The following NBAS variants were observed in gnomAD, a reference collection of about 807,000 sequenced individuals.
The protein encoded by NBAS is NBAS subunit of NRZ tethering complex, also known as NAG/BC035112 fusion.
NBAS carries 219 observed loss-of-function variants against 302.5 expected under a neutral mutation model. The ratio of observed to expected loss-of-function variants is 0.72; its 90% confidence interval spans 0.65 to 0.81. The LOEUF (loss-of-function observed/expected upper bound fraction) is 0.81. Among genes scored for constraint, NBAS ranks in the 30% least tolerant of loss-of-function variants. The pLI, the probability that NBAS is intolerant of heterozygous loss-of-function variation, is 0.00. For missense variants in NBAS, 2,932 were observed against 2,841.6 expected, an observed-to-expected ratio of 1.03 and a Z score of -0.72; for synonymous variants, 1,118 against 1,021.6, an observed-to-expected ratio of 1.09 and a Z score of -1.80.
the NBAS span, among the ~76,000 whole-genome samples, chr2:15,010,837 C>T: frequency 6.6e-5 from 10 of 152,114 alleles, no homozygotes; most frequent in Admixed American, 4.6e-4. Flanking sequence ...AAATAAGATT[C>T]GAGCCCACTT....
chr2:14,979,048 A>T, the NBAS span, among the ~76,000 whole-genome samples: 1 of 152,150 alleles, frequency 6.6e-6, no homozygotes, highest in Non-Finnish European at 1.5e-5. Flanking sequence ...CATTTTTGTG[A>T]GTCACTGTTT....
chr2:15,394,176 A>T, intron 28 of NBAS, 51 bp downstream of exon 28: 2 of 1,522,046 alleles, frequency 1.3e-6, no homozygotes, highest in Non-Finnish European at 1.8e-6. Context: ...AAATACTTTT[A>T]AAAATATTTA....
In NBAS at chr2:15,276,883, C is replaced by G; in HGVS notation, c.5357G>C (p.Arg1786Pro). The change falls in exon 43 of 52, where the codon CGA becomes CCA. Residue 1786 changes from arginine (R) to proline (P), a missense_variant. Arg to Pro is a moderately radical substitution (Grantham distance 103). Coordinates refer to ENST00000281513, the MANE Select transcript of NBAS (RefSeq NM_015909.4). ...NCAIKPETHI[R>P]LLKKFKVVAS... Reference sequence around the variant, plus strand: ...AACAACCTTAAACTTCTTCAGCAGTCGAATGTGGGTTTCTGGTTTAATGGC... The same window carrying G: ...AACAACCTTAAACTTCTTCAGCAGTGGAATGTGGGTTTCTGGTTTAATGGC... The G allele has an allele frequency of 6.2e-7, 1 of 1,613,994 alleles. No homozygotes were observed. The highest frequency in any genetic ancestry group is 8.5e-7 in the Non-Finnish European group (1 of 1,179,960).
intron 12 of NBAS, among the ~76,000 whole-genome samples, chr2:15,485,585 G>T (rs1253470358): frequency 1.3e-5 from 2 of 152,194 alleles, no homozygotes; most frequent in Non-Finnish European, 2.9e-5. Context: ...AGGACAAAGT[G>T]CTCAATAAAT....
the NBAS span, among the ~76,000 whole-genome samples, chr2:14,957,868 C>G: frequency 6.6e-6 from 1 of 152,154 alleles, no homozygotes; most frequent in South Asian, 2.1e-4. Context: ...ATTTCCTCAC[C>G]ACTGTGAGCA....
chr2:15,521,592 G>T (rs998757119), intron 9 of NBAS, among the ~76,000 whole-genome samples: 1 of 152,072 alleles, frequency 6.6e-6, no homozygotes, highest in South Asian at 2.1e-4. Context: ...TATATGCTTT[G>T]ACAAAGTCAA....
At chr2:15,416,067 A>C (rs1220614673) in intron 24 of NBAS, among the ~76,000 whole-genome samples, 2 of 152,012 alleles carry the variant, frequency 1.3e-5, no homozygotes, top group Admixed American at 1.3e-4. Flanking sequence ...CAGAGCAAAG[A>C]GAAGGCATAC....
the NBAS span, among the ~76,000 whole-genome samples, chr2:14,979,942 C>T: frequency 1.3e-5 from 2 of 152,120 alleles, no homozygotes; most frequent in Admixed American, 1.3e-4. Flanking sequence ...CACCCTCCTT[C>T]CTGTGCCTCT....
chr2:15,004,435 A>G, the NBAS span, among the ~76,000 whole-genome samples: 2 of 152,196 alleles, frequency 1.3e-5, no homozygotes, highest in East Asian at 1.9e-4. Context: ...GTACACAAGA[A>G]TCCTTGATAC....
intron 47 of NBAS, among the ~76,000 whole-genome samples, chr2:15,230,459 T>C (rs1667336477): frequency 6.6e-6 from 1 of 151,376 alleles, no homozygotes; most frequent in South Asian, 2.2e-4. Flanking sequence ...TTATTCTGTG[T>C]CTCTAGAATA....
At chr2:15,247,726 C>CTATCTATATATCTA (rs61310052) in intron 44 of NBAS, among the ~76,000 whole-genome samples, 2 of 148,882 alleles carry the variant, frequency 1.3e-5, no homozygotes, top group African/African-American at 2.5e-5. Context: ...ATATATACCT[C>CTATCTATATATCTA]TATCTATAGA....
intron 22 of NBAS, 35 bp downstream of exon 22, chr2:15,427,676 A>T: frequency 6.5e-7 from 1 of 1,547,360 alleles, no homozygotes; most frequent in South Asian, 1.1e-5. Context: ...CATCCCACAA[A>T]GAAACAAAGA....
chr2:15,461,703 G>A lies in NBAS; in HGVS notation c.2186C>T (p.Ala729Val), dbSNP rs755490212. 2.5e-6 allele frequency: 4 copies of A among 1,592,052 alleles called. No homozygotes were observed. The South Asian group carries it at 3.3e-5, about 13-fold the overall frequency. ...GCAAATTACCTGAGCATAAGTTCTT[G>A]CTGAGAGAACAATATTCTGATTTCT... ...KFRNQNIVLS[A>V]RTYAQESNVQ... is the part of the protein sequence containing the mutation. The change falls in exon 20 of 52, where the codon GCA becomes GTA. Residue 729 changes from alanine to valine, a missense_variant. Transcript: ENST00000281513.
chr2:15,370,891 G>A (rs146653474), intron 31 of NBAS, among the ~76,000 whole-genome samples: 1,667 of 152,274 alleles, frequency 0.011, 25 homozygotes, highest in African/African-American at 0.038. Flanking sequence ...TTGAGTTAAT[G>A]CTGAAATGAG....
chr2:15,139,828 G>T, the NBAS span, among the ~76,000 whole-genome samples: 1 of 152,108 alleles, frequency 6.6e-6, no homozygotes, highest in African/African-American at 2.4e-5. Context: ...AATCAATAAG[G>T]CAGCCCTGTT....
chr2:15,410,852 T>C (rs576872727), intron 25 of NBAS, among the ~76,000 whole-genome samples: 1 of 152,242 alleles, frequency 6.6e-6, no homozygotes, highest in South Asian at 2.1e-4. Flanking sequence ...TTCTAGCCAA[T>C]ATAGCAAAGG....
At chr2:14,934,209 C>T in the NBAS span, among the ~76,000 whole-genome samples, 1 of 152,054 alleles carries the variant, frequency 6.6e-6, no homozygotes, top group Non-Finnish European at 1.5e-5. Context: ...AGTCCCACTC[C>T]CTAAAAGCAA....
intron 40 of NBAS, among the ~76,000 whole-genome samples, chr2:15,300,130 C>T (rs1179764009): frequency 6.6e-6 from 1 of 152,192 alleles, no homozygotes. Flanking sequence ...TCAAGATGCA[C>T]AGGCTGTGCA....
chr2:14,969,415 C>T, the NBAS span, among the ~76,000 whole-genome samples: 3 of 152,222 alleles, frequency 2.0e-5, no homozygotes, highest in East Asian at 1.9e-4. Context: ...TCATACTTGT[C>T]GCCCAGCCTG....
Sources: gnomAD v4.1 joint callset for allele counts (sites outside exome capture counted in the v4.1 genomes callset) on GRCh38, gnomAD v4.1.1 for gene constraint, MANE v1.5 for transcripts, NCBI Gene and HGNC (gene_info 2026-07-23, HGNC 2026-07-21) for gene names.